DAPK1: variants seen among roughly 807,000 people sequenced by gnomAD.
DAPK1 encodes death-associated protein kinase 1.
DAPK1 carries 56 observed loss-of-function variants against 144.9 expected under a neutral mutation model. The ratio of observed to expected loss-of-function variants is 0.39; its 90% CI spans 0.31 to 0.48. DAPK1 has a LOEUF of 0.48. Ranked by LOEUF, DAPK1 falls within the 20% of genes least tolerant of loss-of-function variation. The probability of loss-of-function intolerance (pLI) is 0.95; values close to 1 mark genes in which losing one functional copy is unlikely to be tolerated. For synonymous variants in DAPK1, 690 were observed against 749.0 expected (o/e 0.92, Z 1.29); for missense variants, 1,454 against 1,875.4 (o/e 0.78, Z 4.15).
intron 3 of DAPK1, among the ~76,000 whole-genome samples, chr9:87,611,840 G>A (rs575269057): frequency 9.2e-5 from 14 of 152,180 alleles, no homozygotes; most frequent in South Asian, 4.1e-4. Context: ...GATGCTGCTG[G>A]TCTGGGTTCA....
chr9:87,499,158 G>T lies in DAPK1; in HGVS notation c.62+19G>T. 1 of 1,605,204 alleles carries T rather than the reference G, an allele frequency of 6.2e-7. No homozygotes were observed. Among genetic ancestry groups the T allele is most frequent in the Non-Finnish European group, 8.5e-7 (1 of 1,171,886 alleles). On this transcript the variant is annotated intron_variant, in intron 2 of 25. Coordinates refer to ENST00000408954, the MANE Select transcript of DAPK1 (RefSeq NM_004938.4). ...TTGGCAGGTAAAGGGGGTACCAGAA[G>T]CGTACCCTCCTGGATTGTGGAAATG...
intron 2 of DAPK1, among the ~76,000 whole-genome samples, chr9:87,582,120 C>G (rs1827771229): frequency 6.6e-6 from 1 of 151,884 alleles, no homozygotes; most frequent in African/African-American, 2.4e-5. Flanking sequence ...CCAGGTGGAG[C>G]CTTCTCCTCC....
intron 19 of DAPK1, among the ~76,000 whole-genome samples, chr9:87,675,850 C>CACACACACACAA (rs1824350753): frequency 1.5e-5 from 1 of 66,668 alleles, no homozygotes; most frequent in Non-Finnish European, 3.5e-5. Context: ...TTCTACCCTA[C>CACACACACACAA]ACACACACAC....
intron 3 of DAPK1, among the ~76,000 whole-genome samples, chr9:87,609,879 G>A (rs992504637): frequency 1.3e-5 from 2 of 152,112 alleles, no homozygotes; most frequent in Non-Finnish European, 2.9e-5. Flanking sequence ...GTGATGAAGC[G>A]GGTCCCCTTG....
intron 22 of DAPK1, 68 bp from the exon 23 acceptor site, chr9:87,698,588 C>G (rs1203382386): frequency 1.0e-6 from 1 of 983,150 alleles, no homozygotes; most frequent in Non-Finnish European, 1.6e-6. Context: ...ACACCGCCCT[C>G]ACCTGGGCAG....
At position 87,637,231 on chromosome 9, in the gene DAPK1, C is replaced by G. The variant is rs565539037; in HGVS notation, c.285-712C>G. ...GCCTCAGTCTCCCGAGTAGCTGAGA[C>G]TACAGGCACACGTCACCATGCCCAG... is the stretch of plus-strand genomic sequence containing the variant. On this transcript the variant is annotated intron_variant, in intron 3 of 25. Transcript: ENST00000408954. Among the ~76,000 whole-genome samples, 4 of 152,186 alleles carry G rather than the reference C, an allele frequency of 2.6e-5. No individual in the cohort carries two copies. The South Asian group carries it at 6.2e-4, about 24-fold the overall frequency.
intron 2 of DAPK1, among the ~76,000 whole-genome samples, chr9:87,540,923 A>G (rs960770970): frequency 1.3e-5 from 2 of 152,214 alleles, no homozygotes; most frequent in Non-Finnish European, 2.9e-5. Flanking sequence ...GGACTGTGAC[A>G]TACCACAGAA....
At chr9:87,627,128 A>G (rs1587784798) in intron 3 of DAPK1, among the ~76,000 whole-genome samples, 1 of 152,308 alleles carries the variant, frequency 6.6e-6, no homozygotes, top group African/African-American at 2.4e-5. Flanking sequence ...CAGCAAGTTC[A>G]GACCCAGCAG....
At chr9:87,674,554 C>T (rs1161875525) in intron 19 of DAPK1, among the ~76,000 whole-genome samples, 1 of 143,070 alleles carries the variant, frequency 7.0e-6, no homozygotes, top group Non-Finnish European at 1.5e-5. Context: ...TTTGCTTTTA[C>T]TAAACCTAAG....
At chr9:87,641,451 A>C (rs1233866226) in intron 9 of DAPK1, among the ~76,000 whole-genome samples, 2 of 152,166 alleles carry the variant, frequency 1.3e-5, no homozygotes, top group Non-Finnish European at 2.9e-5. Context: ...CTCTGGGGGC[A>C]AATAGCTTTG....
At chr9:87,508,491 C>T (rs891147531) in intron 2 of DAPK1, among the ~76,000 whole-genome samples, 4 of 152,000 alleles carry the variant, frequency 2.6e-5, no homozygotes, top group East Asian at 1.9e-4. Flanking sequence ...TACAGGTGCC[C>T]GCCACCACAC....
At chr9:87,570,874 A>G (rs1277766335) in intron 2 of DAPK1, among the ~76,000 whole-genome samples, 1 of 152,178 alleles carries the variant, frequency 6.6e-6, no homozygotes, top group Non-Finnish European at 1.5e-5. Context: ...GAAGTGTCAT[A>G]TGCTCAGTTT....
At chr9:87,618,988 T>C (rs1485599673) in intron 3 of DAPK1, among the ~76,000 whole-genome samples, 2 of 152,202 alleles carry the variant, frequency 1.3e-5, no homozygotes, top group African/African-American at 4.8e-5. Context: ...GGTAGAGTGG[T>C]GCAGAGCCTT....
At chr9:87,616,086 T>C (rs1426040004) in intron 3 of DAPK1, among the ~76,000 whole-genome samples, 1 of 152,246 alleles carries the variant, frequency 6.6e-6, no homozygotes, top group Non-Finnish European at 1.5e-5. Context: ...AAAGCCAACC[T>C]GGCCTCCCAG....
chr9:87,664,120 G>C (rs1266883069), intron 18 of DAPK1, among the ~76,000 whole-genome samples: 1 of 152,086 alleles, frequency 6.6e-6, no homozygotes, highest in Non-Finnish European at 1.5e-5. Flanking sequence ...CAGCCACTCA[G>C]TGGGCTCCAC....
At position 87,650,032 on chromosome 9, in the gene DAPK1, C is replaced by A; in HGVS notation, c.1540C>A (p.Pro514Thr). The change falls in exon 16 of 26, where the codon CCC (proline) becomes ACC (threonine). Residue 514 changes from proline (P) to threonine (T), a missense_variant. By Grantham distance (38) the Pro-to-Thr change is conservative (BLOSUM62 -1). Transcript: ENST00000408954. Reference sequence around the variant, plus strand: ...CATCAAGAACCGAGAAGGAGAGACGCCCCTCCTGACAGCCTCTGCCAGGGG... The same window carrying A: ...CATCAAGAACCGAGAAGGAGAGACGACCCTCCTGACAGCCTCTGCCAGGGG... ...VNIKNREGET[P>T]LLTASARGYH... 6.2e-7 allele frequency: 1 copy of A among 1,614,138 alleles called. No individual in the cohort carries two copies. The highest frequency in any genetic ancestry group is 1.6e-4 in the Middle Eastern group (1 of 6,062).
chr9:87,556,640 A>G (rs7866180), intron 2 of DAPK1, among the ~76,000 whole-genome samples: 52,688 of 152,048 alleles, frequency 0.35, 9,491 homozygotes, highest in Middle Eastern at 0.51. Flanking sequence ...TTCACAGAGC[A>G]GGGTTTGGTC....
At chr9:87,692,952 CTTTTTTTTTTTTTTTTTT>C (rs61324273) in intron 21 of DAPK1, among the ~76,000 whole-genome samples, 2,602 of 26,032 alleles carry the variant, frequency 0.1, 60 homozygotes, top group African/African-American at 0.26. Context: ...AGTGACTAGA[CTTTTTTTTTTTTTTTTTT>C]TTTTTTTTTT....
Position 87,504,646 on chromosome 9 carries a change from T to C in DAPK1, c.62+5507T>C, listed in dbSNP as rs148105968. Among the ~76,000 whole-genome samples the C allele has an allele frequency of 9.2e-4, 140 of 152,270 alleles. 1 individual carries two copies. The highest frequency in any genetic ancestry group is 3.2e-3 in the African/African-American group (135 of 41,556). ...CATAAGAAACCTACAGAGATGGATG[T>C]CCAGATAAATTCCAGTGCACTCATC... On this transcript the variant is annotated intron_variant, in intron 2 of 25. Coordinates refer to ENST00000408954, the MANE Select transcript of DAPK1 (RefSeq NM_004938.4).
Sources: gnomAD v4.1 joint callset for allele counts (sites outside exome capture counted in the v4.1 genomes callset) on GRCh38, gnomAD v4.1.1 for gene constraint, MANE v1.5 for transcripts, NCBI Gene and HGNC (gene_info 2026-07-23, HGNC 2026-07-21) for gene names.